EIF4G3: variants seen among roughly 807,000 people sequenced by gnomAD.
EIF4G3 encodes the protein eukaryotic translation initiation factor 4 gamma 3, also known as eIF-4-gamma 3.
EIF4G3 carries 34 observed loss-of-function variants against 186.4 expected under a neutral mutation model. That is an observed-to-expected ratio of 0.18 (90% CI 0.14 to 0.24). The LOEUF is 0.24. Among genes scored for constraint, EIF4G3 ranks in the 10% least tolerant of loss-of-function variants. The pLI, the probability that EIF4G3 is intolerant of heterozygous loss-of-function variation, is 1.00. For missense variants in EIF4G3, 1,536 were observed against 1,948.5 expected (o/e 0.79, Z 3.99); for synonymous variants, 673 against 679.5 (o/e 0.99, Z 0.15).
chr1:20,830,447 T>C (rs930859985), intron 30 of EIF4G3, among the ~76,000 whole-genome samples: 1 of 152,222 alleles, frequency 6.6e-6, no homozygotes, highest in African/African-American at 2.4e-5. Flanking sequence ...GGCAAATAGA[T>C]GTCAAATAAT....
At chr1:21,034,873 T>C (rs1291857831) in intron 4 of EIF4G3, among the ~76,000 whole-genome samples, 1 of 152,038 alleles carries the variant, frequency 6.6e-6, no homozygotes, top group Non-Finnish European at 1.5e-5. Flanking sequence ...TGGCTGGGCC[T>C]GGGCCCAGAA....
At chr1:20,857,239 A>G (rs1461237972) in intron 25 of EIF4G3, among the ~76,000 whole-genome samples, 164 bp downstream of exon 25, 6 of 151,960 alleles carry the variant, frequency 3.9e-5, no homozygotes, top group African/African-American at 1.2e-4. Context: ...AGAAAAATGC[A>G]TTAAAAAATA....
chr1:20,867,748 A>C (rs1373891218), intron 20 of EIF4G3, among the ~76,000 whole-genome samples: 1 of 152,254 alleles, frequency 6.6e-6, no homozygotes, highest in Non-Finnish European at 1.5e-5. Context: ...TCACTAAGCA[A>C]TAAAGAGAAA....
intron 2 of EIF4G3, among the ~76,000 whole-genome samples, chr1:21,161,007 A>G (rs917547743): frequency 6.6e-6 from 1 of 150,554 alleles, no homozygotes; most frequent in Non-Finnish European, 1.5e-5. Context: ...CCCGTCTCTA[A>G]TAAAAATACA....
rs149547189 is a variant in EIF4G3, at chr1:21,065,473, A to ATT, written c.-195-14481_-195-14480dup. On this transcript the variant is annotated intron_variant, in intron 3 of 36. Coordinates refer to ENST00000602326, the MANE Select transcript of EIF4G3 (RefSeq NM_001391906.1). ...GCTCTAGGGAGGCTGGGAGAGAAGG[A>ATT]TTAAGCCCAGAAGTTGCAGCAAGCT... is the stretch of plus-strand genomic sequence containing the variant. Among the ~76,000 whole-genome samples the ATT allele has an allele frequency of 3.3e-5, 5 of 151,566 alleles. No homozygotes were observed. In the East Asian group the frequency reaches 9.7e-4, roughly 29 times the overall value.
intron 7 of EIF4G3, among the ~76,000 whole-genome samples, chr1:20,986,736 T>G (rs1174863948): frequency 1.1e-5 from 1 of 90,130 alleles, no homozygotes; most frequent in East Asian, 3.9e-4. Context: ...GCGACAGAGC[T>G]CTGTCTCCAA....
intron 6 of EIF4G3, chr1:20,999,802 G>T: frequency 2.5e-6 from 1 of 404,782 alleles, no homozygotes; most frequent in African/African-American, 2.1e-5. Flanking sequence ...AACTGTAGTC[G>T]CTGCTGGCTC....
chr1:21,105,450 A>T (rs1382096709), intron 2 of EIF4G3, among the ~76,000 whole-genome samples: 2 of 152,006 alleles, frequency 1.3e-5, no homozygotes, highest in Non-Finnish European at 2.9e-5. Flanking sequence ...AAAAAAAAAA[A>T]ATCTGTACAC....
rs200324002 is a variant in EIF4G3 at position 20,807,003 on chromosome 1, CTT to C, written c.*314_*315del. The C allele has an allele frequency of 8.4e-4, 133 of 157,486 alleles. No individual in the cohort carries two copies. The highest frequency in any genetic ancestry group is 1.8e-3 in the East Asian group (11 of 5,952). The allele number at this position is 157,486 out of a possible 1,614,324, so 9.8% of individuals were successfully genotyped here. A position where few individuals can be genotyped will look rare whatever the true frequency, so the allele number is the denominator to read the frequency against. On this transcript the variant is annotated 3_prime_UTR_variant, in exon 37 of 37. Transcript: ENST00000602326. ...CTTAAAATAAATTAAAAGTTCTCAACTTTTTTTTTTTTTGCTAAACATTTTTT... is the reference window on the plus strand; with the variant it reads ...CTTAAAATAAATTAAAAGTTCTCAACTTTTTTTTTTTGCTAAACATTTTTT...
chr1:20,864,879 GTGACC>G (rs1441216195), intron 21 of EIF4G3, among the ~76,000 whole-genome samples, 167 bp from the exon 22 acceptor site: 1 of 152,166 alleles, frequency 6.6e-6, no homozygotes, highest in Non-Finnish European at 1.5e-5. Context: ...TTGGAACTCA[GTGACC>G]TGACTCAGGC....
intron 18 of EIF4G3, among the ~76,000 whole-genome samples, chr1:20,890,588 T>C (rs1276072455): frequency 6.6e-6 from 1 of 152,190 alleles, no homozygotes; most frequent in Non-Finnish European, 1.5e-5. Flanking sequence ...CTCAAGTAGA[T>C]GGCACTACAG....
rs2058210161 is a variant in EIF4G3 at position 20,807,026 on chromosome 1, T to G, written c.*293A>C. ...AACTTTTTTTTTTTTTGCTAAACAT[T>G]TTTTTAAGTATGAGTCCTTGTTTAA... On this transcript the variant is annotated 3_prime_UTR_variant, in exon 37 of 37. Coordinates refer to ENST00000602326, the MANE Select transcript of EIF4G3 (RefSeq NM_001391906.1). 2 of 196,332 alleles carry G rather than the reference T, an allele frequency of 1.0e-5. No individual in the cohort carries two copies. The highest frequency in any genetic ancestry group is 3.8e-4 in the South Asian group (2 of 5,238). The allele number at this position is 196,332 out of a possible 1,614,324, so 12.2% of individuals were successfully genotyped here. A position where few individuals can be genotyped will look rare whatever the true frequency, so the allele number is the denominator to read the frequency against.
chr1:21,086,540 A>G (rs2095986253), intron 3 of EIF4G3, among the ~76,000 whole-genome samples: 1 of 152,086 alleles, frequency 6.6e-6, no homozygotes. Flanking sequence ...GAAGTCTTGC[A>G]TCTTCTGCTT....
intron 19 of EIF4G3, among the ~76,000 whole-genome samples, chr1:20,883,095 AC>A (rs937774306): frequency 3.2e-4 from 49 of 152,012 alleles, no homozygotes; most frequent in African/African-American, 1.0e-3. Flanking sequence ...AAAAAAAAAA[AC>A]ATTTCGCTAT....
chr1:21,133,369 C>T (rs1420321067), intron 2 of EIF4G3, among the ~76,000 whole-genome samples: 4 of 151,768 alleles, frequency 2.6e-5, no homozygotes, highest in Admixed American at 1.3e-4. Context: ...GGACTACAGG[C>T]GTGTGCCACC....
chr1:21,056,599 C>T (rs2154578113), intron 3 of EIF4G3, among the ~76,000 whole-genome samples: 1 of 152,276 alleles, frequency 6.6e-6, no homozygotes, highest in African/African-American at 2.4e-5. Flanking sequence ...ATACCTCTTG[C>T]AAAATATTCC....
chr1:20,852,955 C>T (rs1475467449), intron 27 of EIF4G3, among the ~76,000 whole-genome samples: 1 of 151,638 alleles, frequency 6.6e-6, no homozygotes, highest in Non-Finnish European at 1.5e-5. Context: ...GGCAACATAG[C>T]AAGATGCCAT....
chr1:21,130,567 A>C (rs1251867008), intron 2 of EIF4G3, among the ~76,000 whole-genome samples: 1 of 152,096 alleles, frequency 6.6e-6, no homozygotes, highest in African/African-American at 2.4e-5. Flanking sequence ...TGAAGGAAGA[A>C]GTGGCGTGCC....
chr1:20,977,552 T>C (rs1467462771), intron 10 of EIF4G3, among the ~76,000 whole-genome samples: 2 of 152,208 alleles, frequency 1.3e-5, no homozygotes, highest in Non-Finnish European at 2.9e-5. Flanking sequence ...AGATTGTTTT[T>C]CTAATATTAA....
Sources: allele counts gnomAD v4.1 joint callset (sites outside exome capture counted in the v4.1 genomes callset), GRCh38; gene constraint gnomAD v4.1.1; transcripts MANE v1.5; gene names NCBI Gene and HGNC (gene_info 2026-07-23, HGNC 2026-07-21).